Variants in TSNARE1 observed in about 807,000 individuals in gnomAD.
TSNARE1 encodes the protein t-SNARE domain-containing protein 1.
In TSNARE1, 49 loss-of-function variants were observed where a neutral mutation model predicts 62.0. The observed-to-expected ratio is 0.79, with a 90% CI of 0.63 to 1.00. The LOEUF (loss-of-function observed/expected upper bound fraction) is 1.00, where lower values mean the gene tolerates loss of function less well. TSNARE1 is among the 50% of genes least tolerant of loss of function. TSNARE1 has a pLI of 0.00. For synonymous variants in TSNARE1, 328 were observed against 294.4 expected (o/e 1.11, Z -1.17); for missense variants, 755 against 700.1 (o/e 1.08, Z -0.88).
intron 1 of TSNARE1, among the ~76,000 whole-genome samples, chr8:142,382,440 G>T (rs1371403607): frequency 6.6e-6 from 1 of 152,148 alleles, no homozygotes; most frequent in Non-Finnish European, 1.5e-5. Flanking sequence ...TGCCGGCACT[G>T]CCCGCCAGTC....
At chr8:142,379,643 G>A (rs144262385) in intron 1 of TSNARE1, among the ~76,000 whole-genome samples, 44 of 152,210 alleles carry the variant, frequency 2.9e-4, no homozygotes, top group Non-Finnish European at 5.4e-4. Flanking sequence ...GGGGAGGCGC[G>A]AGACCACACA....
At chr8:142,371,730 T>C (rs942132070) in intron 1 of TSNARE1, among the ~76,000 whole-genome samples, 4 of 152,276 alleles carry the variant, frequency 2.6e-5, no homozygotes, top group African/African-American at 9.6e-5. Flanking sequence ...ACTTAAGGTA[T>C]GTGTCTCTTA....
intron 1 of TSNARE1, among the ~76,000 whole-genome samples, chr8:142,377,003 C>A (rs1836392491): frequency 6.6e-6 from 1 of 152,242 alleles, no homozygotes; most frequent in African/African-American, 2.4e-5. Flanking sequence ...GAGCCCCACA[C>A]CTCAGGCCTG....
intron 6 of TSNARE1, among the ~76,000 whole-genome samples, chr8:142,324,572 C>T (rs1463758369): frequency 1.3e-5 from 2 of 152,228 alleles, no homozygotes; most frequent in East Asian, 1.9e-4. Flanking sequence ...CTTAAGATGC[C>T]GTTTAGAAGC....
At chr8:142,282,409 G>A (rs1052318885) in intron 11 of TSNARE1, among the ~76,000 whole-genome samples, 5 of 151,800 alleles carry the variant, frequency 3.3e-5, no homozygotes, top group East Asian at 1.9e-4. Context: ...ATCAGGGTGG[G>A]GCCAGTGTCT....
At chr8:142,302,129 G>A (rs1825883755) in intron 9 of TSNARE1, among the ~76,000 whole-genome samples, 1 of 152,090 alleles carries the variant, frequency 6.6e-6, no homozygotes, top group South Asian at 2.1e-4. Context: ...AAGCCACTCT[G>A]CAGTGAACGT....
chr8:142,214,717 G>C (rs1815746240), intron 13 of TSNARE1, among the ~76,000 whole-genome samples: 1 of 152,170 alleles, frequency 6.6e-6, no homozygotes, highest in Non-Finnish European at 1.5e-5. Context: ...TGGGGCCTCT[G>C]GGAAGTGCCG....
At position 142,282,439 on chromosome 8, in the gene TSNARE1, G is replaced by A. The variant is rs952363138; in HGVS notation, c.1363+1974C>T. ...GTGTCTATTAATGAGCGGAGCAGGGGCCAGTGTCTATCAATGAGCAAAGGG... is the reference window on the plus strand; with the variant it reads ...GTGTCTATTAATGAGCGGAGCAGGGACCAGTGTCTATCAATGAGCAAAGGG... On this transcript the variant is annotated intron_variant, in intron 11 of 13. Coordinates refer to ENST00000524325, the MANE Select transcript of TSNARE1 (RefSeq NM_145003.5). Among the ~76,000 whole-genome samples the A allele has an allele frequency of 5.3e-5, 8 of 151,980 alleles. No homozygotes were observed. In the East Asian group the frequency reaches 9.7e-4, roughly 18 times the overall value.
intron 12 of TSNARE1, chr8:142,272,742 G>A (rs1819806684): frequency 1.0e-6 from 1 of 968,290 alleles, no homozygotes; most frequent in South Asian, 4.8e-5. Flanking sequence ...GCCCCTTGCA[G>A]GTAGGAGCAG....
intron 12 of TSNARE1, chr8:142,271,523 A>G: frequency 4.5e-6 from 6 of 1,345,246 alleles, no homozygotes; most frequent in Non-Finnish European, 5.7e-6. Context: ...GGCCCCCATG[A>G]GTGTGGTTGC....
intron 10 of TSNARE1, among the ~76,000 whole-genome samples, chr8:142,296,545 G>T (rs778073055): frequency 6.6e-6 from 1 of 151,902 alleles, no homozygotes; most frequent in Admixed American, 6.5e-5. Flanking sequence ...CTGGCAAGTC[G>T]CTGTGGAGCC....
chr8:142,276,653 G>A, intron 11 of TSNARE1: 1 of 985,324 alleles, frequency 1.0e-6, no homozygotes, highest in Non-Finnish European at 1.2e-6. Flanking sequence ...CCTCAGCCAA[G>A]CCCTGGACCC....
chr8:142,343,179 C>T (rs1051614995), intron 4 of TSNARE1, among the ~76,000 whole-genome samples: 6 of 152,216 alleles, frequency 3.9e-5, no homozygotes, highest in Non-Finnish European at 8.8e-5. Context: ...CAGCTCTGAG[C>T]AGATGCTGCC....
intron 6 of TSNARE1, 50 bp downstream of exon 6, chr8:142,330,851 C>T (rs370155813): frequency 1.5e-5 from 24 of 1,595,278 alleles, no homozygotes; most frequent in Middle Eastern, 1.7e-4. Flanking sequence ...CCCCTGCCCC[C>T]CAATGTGCAC....
intron 1 of TSNARE1, among the ~76,000 whole-genome samples, chr8:142,393,076 A>C (rs1442725237): frequency 6.6e-6 from 1 of 152,186 alleles, no homozygotes. Flanking sequence ...CAAACTACCT[A>C]AACTATTCAA....
At chr8:142,259,851 T>TC (rs1563785677) in intron 12 of TSNARE1, among the ~76,000 whole-genome samples, 1 of 152,102 alleles carries the variant, frequency 6.6e-6, no homozygotes, top group Non-Finnish European at 1.5e-5. Flanking sequence ...TGGCACGCCT[T>TC]CCCCCGGGGG....
chr8:142,372,415 A>C (rs1835978042), intron 1 of TSNARE1, among the ~76,000 whole-genome samples: 1 of 152,222 alleles, frequency 6.6e-6, no homozygotes, highest in Admixed American at 6.5e-5. Context: ...ACGGAGTACA[A>C]CCATGAATGT....
chr8:142,275,977 A>G (rs1820412311), intron 11 of TSNARE1: 1 of 985,402 alleles, frequency 1.0e-6, no homozygotes. Flanking sequence ...CCTGGGCAGG[A>G]GGTGGAACCC....
chr8:142,248,413 A>G (rs1817996716), intron 12 of TSNARE1, among the ~76,000 whole-genome samples: 1 of 152,244 alleles, frequency 6.6e-6, no homozygotes, highest in African/African-American at 2.4e-5. Context: ...AAAGAGCCCC[A>G]GCCAGAAACT....
Sources: allele counts gnomAD v4.1 joint callset (sites outside exome capture counted in the v4.1 genomes callset), GRCh38; gene constraint gnomAD v4.1.1; transcripts MANE v1.5; gene names NCBI Gene and HGNC (gene_info 2026-07-23, HGNC 2026-07-21).